Variants in PFKFB3 observed in about 807,000 individuals in gnomAD.
PFKFB3 encodes 6-phosphofructo-2-kinase/fructose-2,6-biphosphatase 3.
In PFKFB3, 33 loss-of-function variants were observed where a neutral mutation model predicts 68.0. The ratio of observed to expected loss-of-function variants is 0.49; its 90% CI spans 0.37 to 0.65. The LOEUF (loss-of-function observed/expected upper bound fraction) is 0.65, where lower values mean the gene tolerates loss of function less well. Ranked by LOEUF, PFKFB3 falls within the 30% of genes least tolerant of loss-of-function variation. PFKFB3 has a pLI of 0.00. For synonymous variants in PFKFB3, 315 were observed against 288.2 expected (o/e 1.09, Z -0.94); for missense variants, 586 against 712.2 (o/e 0.82, Z 2.02).
intron 1 of PFKFB3, among the ~76,000 whole-genome samples, chr10:6,170,415 G>A (rs977216840): frequency 2.0e-5 from 3 of 152,086 alleles, no homozygotes; most frequent in Admixed American, 6.6e-5. Context: ...TATAGAAGAC[G>A]AAAATATAAA....
At chr10:6,271,075 C>T in the PFKFB3 span, among the ~76,000 whole-genome samples, 1 of 152,350 alleles carries the variant, frequency 6.6e-6, no homozygotes, top group African/African-American at 2.4e-5. Flanking sequence ...GAAAGATGCT[C>T]TTCCAATGGC....
the PFKFB3 span, among the ~76,000 whole-genome samples, chr10:6,291,101 A>G: frequency 4.6e-3 from 695 of 151,612 alleles, 2 homozygotes; most frequent in Non-Finnish European, 7.6e-3. Context: ...AATCAGGATA[A>G]AGTGTCCTGT....
chr10:6,253,920 T>A (rs555966966), intron 14 of PFKFB3, among the ~76,000 whole-genome samples: 1 of 152,166 alleles, frequency 6.6e-6, no homozygotes, highest in Non-Finnish European at 1.5e-5. Context: ...AGTGCACACC[T>A]GTAGTCCCAG....
At position 6,224,464 on chromosome 10, in the gene PFKFB3, A is replaced by G. The variant is rs183828927; in HGVS notation, c.1341+251A>G. The G allele has an allele frequency of 2.8e-4, 180 of 635,510 alleles. 1 individual carries two copies. In the African/African-American group the frequency reaches 3.0e-3, roughly 11 times the overall value. 39.4% of individuals were successfully genotyped at this position (635,510 alleles called of 1,614,324 possible). A position where few individuals can be genotyped will look rare whatever the true frequency, so the allele number is the denominator to read the frequency against. On this transcript the variant is annotated intron_variant, in intron 13 of 14. Coordinates refer to ENST00000379775, the MANE Select transcript of PFKFB3 (RefSeq NM_004566.4). ...CTGCTGAGCTCGAGATATGAATATT[A>G]GTGAGGAAGATACATTCTCTCTTTT...
chr10:6,180,370 T>C (rs1683330799), intron 1 of PFKFB3, among the ~76,000 whole-genome samples: 1 of 152,226 alleles, frequency 6.6e-6, no homozygotes, highest in South Asian at 2.1e-4. Flanking sequence ...CAGGAAAATA[T>C]GAAGAAAGAA....
intron 1 of PFKFB3, among the ~76,000 whole-genome samples, chr10:6,171,183 G>A (rs532219447): frequency 3.9e-5 from 6 of 152,146 alleles, no homozygotes; most frequent in Non-Finnish European, 8.8e-5. Flanking sequence ...GAGTAGCTGG[G>A]ATTACAGGCA....
chr10:6,165,617 A>G (rs1219816229), intron 1 of PFKFB3, among the ~76,000 whole-genome samples: 1 of 152,140 alleles, frequency 6.6e-6, no homozygotes, highest in Non-Finnish European at 1.5e-5. Flanking sequence ...TAGTGGGAGA[A>G]TAGTGGAGCT....
intron 14 of PFKFB3, among the ~76,000 whole-genome samples, chr10:6,252,885 C>A (rs4750181): frequency 0.97 from 148,179 of 152,350 alleles, 72,203 homozygotes; most frequent in East Asian, 1. Context: ...AAGGACCTTT[C>A]TGTTTTACTC....
intron 1 of PFKFB3, 122 bp from the exon 2 acceptor site, chr10:6,213,501 A>T: frequency 8.7e-7 from 1 of 1,147,970 alleles, no homozygotes; most frequent in South Asian, 1.5e-5. Context: ...TGGGCAACAG[A>T]GTGAGACCCT....
At chr10:6,216,507 C>A (rs978568063) in intron 4 of PFKFB3, among the ~76,000 whole-genome samples, 199 bp from the exon 5 acceptor site, 1 of 152,068 alleles carries the variant, frequency 6.6e-6, no homozygotes, top group African/African-American at 2.4e-5. Context: ...ACGCTACCAC[C>A]CCTGAGTGCT....
upstream of PFKFB3, among the ~76,000 whole-genome samples, chr10:6,198,570 C>T (rs966911846): frequency 6.6e-6 from 1 of 152,246 alleles, no homozygotes; most frequent in Non-Finnish European, 1.5e-5. Flanking sequence ...GCAACCTCCA[C>T]CTCCTGGGTT....
At chr10:6,306,534 AGG>A in the PFKFB3 span, among the ~76,000 whole-genome samples, 1 of 152,252 alleles carries the variant, frequency 6.6e-6, no homozygotes, top group East Asian at 1.9e-4. Flanking sequence ...AGCTGAAGTC[AGG>A]GTTGCTTTTC....
intron 1 of PFKFB3, among the ~76,000 whole-genome samples, chr10:6,185,728 C>T (rs1564605581): frequency 1.3e-5 from 2 of 149,462 alleles, no homozygotes; most frequent in Middle Eastern, 3.7e-3. Context: ...CAACCTCTGC[C>T]TCCTGGGTTC....
chr10:6,299,475 A>T, the PFKFB3 span, among the ~76,000 whole-genome samples: 3 of 152,174 alleles, frequency 2.0e-5, no homozygotes, highest in African/African-American at 4.8e-5. Context: ...TGGCTGAGTC[A>T]GTGTGCCGTG....
intron 1 of PFKFB3, among the ~76,000 whole-genome samples, chr10:6,183,834 A>G (rs976762970): frequency 5.3e-5 from 8 of 150,626 alleles, no homozygotes; most frequent in African/African-American, 1.5e-4. Context: ...ACTACAGACA[A>G]CTGCCACCAC....
intron 1 of PFKFB3, among the ~76,000 whole-genome samples, chr10:6,148,290 A>C (rs1841461569): frequency 6.6e-6 from 1 of 152,240 alleles, no homozygotes; most frequent in Admixed American, 6.5e-5. Flanking sequence ...GGCTGTGGTT[A>C]GGTTGGTGCC....
intron 13 of PFKFB3, 146 bp downstream of exon 13, chr10:6,224,359 C>A: frequency 1.5e-6 from 1 of 686,846 alleles, no homozygotes; most frequent in East Asian, 2.7e-5. Flanking sequence ...TCCTCAGCAC[C>A]TCTTTGTTCC....
intron 14 of PFKFB3, among the ~76,000 whole-genome samples, chr10:6,248,628 C>CAA (rs1215741346): frequency 8.3e-5 from 6 of 71,862 alleles, no homozygotes; most frequent in African/African-American, 3.0e-4. Flanking sequence ...GACTCCATCT[C>CAA]AAAAAAAAAA....
intron 1 of PFKFB3, among the ~76,000 whole-genome samples, chr10:6,189,064 C>T (rs1408854137): frequency 1.3e-5 from 2 of 152,148 alleles, no homozygotes; most frequent in South Asian, 2.1e-4. Flanking sequence ...TGGTCTCGAT[C>T]TCCTGACCTC....
Sources: allele counts gnomAD v4.1 joint callset (sites outside exome capture counted in the v4.1 genomes callset), GRCh38; gene constraint gnomAD v4.1.1; transcripts MANE v1.5; gene names NCBI Gene and HGNC (gene_info 2026-07-23, HGNC 2026-07-21).